Variants in RRP9 observed in about 807,000 individuals in gnomAD.
The protein encoded by RRP9 is ribosomal RNA processing 9, U3 small nucleolar RNA binding protein.
In RRP9, 35 loss-of-function variants were observed where a neutral mutation model predicts 65.5. That is an observed-to-expected ratio of 0.53 (90% CI 0.41 to 0.71). RRP9 has a LOEUF of 0.71. Among genes scored for constraint, RRP9 ranks in the 30% least tolerant of loss-of-function variants. RRP9 has a pLI of 0.00. For missense variants in RRP9, 533 were observed against 633.6 expected (o/e 0.84, Z 1.70); for synonymous variants, 254 against 245.0 (o/e 1.04, Z -0.34).
rs1699422283 is a variant in RRP9 at position 51,934,035 on chromosome 3, G to A, written c.1261-254C>T. ...AGGCAGTGTACACCCAGTATGGCCT[G>A]AGGCTGGCTCCTGGTGGTGGGGCCC... On this transcript the variant is annotated intron_variant, in intron 13 of 14. Coordinates refer to ENST00000232888, the MANE Select transcript of RRP9 (RefSeq NM_004704.5). The surrounding 1 kb of genome is among the most constrained non-coding windows in gnomAD (Gnocchi z 4.1). Among the ~76,000 whole-genome samples the A allele has an allele frequency of 6.6e-6, 1 of 152,192 alleles. No homozygotes were observed. Among genetic ancestry groups the A allele is most frequent in the Non-Finnish European group, 1.5e-5 (1 of 68,036 alleles).
In RRP9 at chr3:51,937,758, A is replaced by C; in HGVS notation, c.281-22T>G. On this transcript the variant is annotated intron_variant, in intron 3 of 14. Coordinates refer to ENST00000232888, the MANE Select transcript of RRP9 (RefSeq NM_004704.5). This position sits in a 1 kb window ranked among gnomAD's most constrained non-coding sequence, Gnocchi z 5.0. ...TCCTCTGTGCAGGACAGACCAGACC[A>C]AGTAAACTGAGGCTGAGACCCCTCT... The C allele has an allele frequency of 6.2e-7, 1 of 1,613,144 alleles. No homozygotes were observed. Among genetic ancestry groups the C allele is most frequent in the South Asian group, 1.1e-5 (1 of 91,032 alleles).
rs757566437 is a variant in RRP9, at chr3:51,934,808, G to A, written c.1035-32C>T. The A allele has an allele frequency of 2.5e-6, 4 of 1,598,754 alleles. No individual in the cohort carries two copies. The highest frequency in any genetic ancestry group is 2.6e-6 in the Non-Finnish European group (3 of 1,171,356). On this transcript the variant is annotated intron_variant, in intron 11 of 14. Coordinates refer to ENST00000232888, the MANE Select transcript of RRP9 (RefSeq NM_004704.5). The surrounding 1 kb of genome is among the most constrained non-coding windows in gnomAD (Gnocchi z 4.1). Reference sequence around the variant, plus strand: ...ACAGGGAGGGAATACAGCAGTGAGGGGGCCAGAGGCAGAAAAGGCCCCCTG... The same window carrying A: ...ACAGGGAGGGAATACAGCAGTGAGGAGGCCAGAGGCAGAAAAGGCCCCCTG...
At position 51,937,846 on chromosome 3, in the gene RRP9, G is replaced by T; in HGVS notation, c.281-110C>A. ...CTGGATAATGCAGGAAGCTCCAGCT[G>T]CCTCAGCAGAGGGGAGGGCAAGCTG... On this transcript the variant is annotated intron_variant, in intron 3 of 14. Coordinates refer to ENST00000232888, the MANE Select transcript of RRP9 (RefSeq NM_004704.5). The surrounding 1 kb of genome is among the most constrained non-coding windows in gnomAD (Gnocchi z 5.0). 2 of 1,353,898 alleles carry T rather than the reference G, an allele frequency of 1.5e-6. No homozygotes were observed. Among genetic ancestry groups the T allele is most frequent in the Non-Finnish European group, 1.0e-6 (1 of 969,450 alleles). The allele number at this position is 1,353,898 out of a possible 1,614,324, so 83.9% of individuals were successfully genotyped here.
intron 2 of RRP9, among the ~76,000 whole-genome samples, chr3:51,940,440 C>T (rs1313017097): frequency 6.6e-6 from 1 of 152,158 alleles, no homozygotes; most frequent in Admixed American, 6.5e-5. Context: ...CAAGCAACCA[C>T]ACCCATCACC....
rs1471750949 is a variant in RRP9 at position 51,938,196 on chromosome 3, G to A, written c.179C>T (p.Pro60Leu). Residue 60 changes from proline (P) to leucine (L), a missense_variant, in exon 3 of 15, where the codon CCA becomes CTA. Pro to Leu is a moderately conservative substitution (Grantham distance 98, BLOSUM62 -3). Around this residue, in one of 3 missense-constraint regions of RRP9, gnomAD observed 449 missense variants for 550.6 expected, o/e 0.82. Transcript: ENST00000232888. ...SSDSESESLAPRKPEEEEEEE... is the reference protein window; with the variant it reads ...SSDSESESLALRKPEEEEEEE... Reference sequence around the variant, plus strand: ...CTCCTCCTCCTCCTCAGGCTTCCTTGGAGCTAGGCTGTGGGCAGGAAGGGG... The same window carrying A: ...CTCCTCCTCCTCCTCAGGCTTCCTTAGAGCTAGGCTGTGGGCAGGAAGGGG... 2 of 1,562,922 alleles carry A rather than the reference G, an allele frequency of 1.3e-6. No homozygotes were observed. The highest frequency in any genetic ancestry group is 2.3e-5 in the South Asian group (2 of 86,322).
At position 51,935,711 on chromosome 3, in the gene RRP9, A is replaced by C. The variant is rs1699450462; in HGVS notation, c.736-19T>G. 8 of 1,595,032 alleles carry C rather than the reference A, an allele frequency of 5.0e-6. No individual in the cohort carries two copies. Among genetic ancestry groups the C allele is most frequent in the Non-Finnish European group, 6.9e-6 (8 of 1,162,728 alleles). On this transcript the variant is annotated intron_variant, in intron 8 of 14. Transcript: ENST00000232888. ...CCAGACCCTAAGGGTGCATGGGGAG[A>C]GGGCAAAGGGGACCTGGACTACAGC...
In RRP9 at chr3:51,936,248, G is replaced by C; in HGVS notation, c.735+9C>G. 3 of 1,612,806 alleles carry C rather than the reference G, an allele frequency of 1.9e-6. No individual in the cohort carries two copies. The highest frequency in any genetic ancestry group is 2.5e-6 in the Non-Finnish European group (3 of 1,178,774). On this transcript the variant is annotated intron_variant, in intron 8 of 14. Transcript: ENST00000232888. ...CTAAAGATCCACTGACATAGACCCAGCTCCTCACCGACACTGCATCCCGGT... is the reference window on the plus strand; with the variant it reads ...CTAAAGATCCACTGACATAGACCCACCTCCTCACCGACACTGCATCCCGGT...
intron 2 of RRP9, among the ~76,000 whole-genome samples, chr3:51,939,059 A>G (rs1373998485): frequency 6.6e-6 from 1 of 152,200 alleles, no homozygotes; most frequent in African/African-American, 2.4e-5. Context: ...AGCTGGGGGT[A>G]GGTCATGGGC....
Position 51,937,580 on chromosome 3 carries a change from G to A in RRP9, c.355C>T (p.Gln119Ter). 1 of 1,614,192 alleles carries A rather than the reference G, an allele frequency of 6.2e-7. No homozygotes were observed. ...ACCAACTTCTGCAGCCTGCCCCTCT[G>A]CTCAAGCTGCATGGAGAAGAGATGG... ...AGRLKEDVLEQRGRLQKLVAK... is the reference protein window; with the variant it reads ...AGRLKEDVLE Residue 119 changes from glutamine (Q) to a stop codon, truncating the protein, a stop_gained, in exon 5 of 15, where the codon CAG (glutamine) becomes TAG (stop). Coordinates refer to ENST00000232888, the MANE Select transcript of RRP9 (RefSeq NM_004704.5). LOFTEE classifies it high-confidence loss of function. The surrounding 1 kb of genome is among the most constrained non-coding windows in gnomAD (Gnocchi z 5.0).
At chr3:51,940,205 G>A (rs1281084203) in intron 2 of RRP9, among the ~76,000 whole-genome samples, 2 of 152,070 alleles carry the variant, frequency 1.3e-5, no homozygotes, top group Non-Finnish European at 1.5e-5. Flanking sequence ...GCAGTGAGCC[G>A]AGATCGCACC....
In RRP9 at chr3:51,934,993, A is replaced by G. The variant is rs1387666409; in HGVS notation, c.1034+204T>C. On this transcript the variant is annotated intron_variant, in intron 11 of 14. Coordinates refer to ENST00000232888, the MANE Select transcript of RRP9 (RefSeq NM_004704.5). The surrounding 1 kb of genome is among the most constrained non-coding windows in gnomAD (Gnocchi z 4.1). Reference sequence around the variant, plus strand: ...ATTTTTTTTAATTCTAAAAAAAAAGAAAAAAGGCCACATGACAGGAAGGGA... The same window carrying G: ...ATTTTTTTTAATTCTAAAAAAAAAGGAAAAAGGCCACATGACAGGAAGGGA... 1.3e-5 allele frequency among the ~76,000 whole-genome samples: 2 copies of G among 152,114 alleles called. No individual in the cohort carries two copies. Among genetic ancestry groups the G allele is most frequent in the African/African-American group, 4.8e-5 (2 of 41,434 alleles).
intron 2 of RRP9, among the ~76,000 whole-genome samples, chr3:51,940,516 T>C (rs1699508922): frequency 6.6e-6 from 1 of 151,968 alleles, no homozygotes; most frequent in Non-Finnish European, 1.5e-5. Flanking sequence ...AGTCCTCCTG[T>C]TTTTGTGTGT....
At chr3:51,941,322 A>T in intron 2 of RRP9, 87 bp downstream of exon 2, 2 of 1,111,350 alleles carry the variant, frequency 1.8e-6, no homozygotes, top group Non-Finnish European at 2.8e-6. Context: ...CTTGGATTCT[A>T]GGCTCAGTTC....
intron 11 of RRP9, 103 bp downstream of exon 11, chr3:51,935,094 C>T (rs1699439325): frequency 1.6e-6 from 2 of 1,251,310 alleles, no homozygotes; most frequent in Non-Finnish European, 2.3e-6. Context: ...GAGGTTACAA[C>T]AGCTCCCCCA....
chr3:51,936,166 C>G, intron 8 of RRP9, 91 bp downstream of exon 8: 1 of 1,243,748 alleles, frequency 8.0e-7, no homozygotes, highest in South Asian at 1.2e-5. Context: ...ATGCAGGTTC[C>G]CTGAGGACAG....
rs766101303 is a variant in RRP9 at position 51,934,745 on chromosome 3, G to C, written c.1066C>G (p.Arg356Gly). 16 of 1,613,884 alleles carry C rather than the reference G, an allele frequency of 9.9e-6. No homozygotes were observed. Among genetic ancestry groups the C allele is most frequent in the Non-Finnish European group, 1.4e-5 (16 of 1,180,000 alleles). ...GCTTCACGCTGCAGGGCAAGTGGTC[G>C]CTTCTTGGAGAGACCCCACAAGGCC... ...SVALWGLSKK[R>G]PLALQREAHG... Residue 356 changes from arginine (R) to glycine (G), a missense_variant, in exon 12 of 15, where the codon CGA (arginine) becomes GGA (glycine). Physicochemically the swap from Arg to Gly is moderately radical, Grantham distance 125. Around this residue, in one of 3 missense-constraint regions of RRP9, gnomAD observed 449 missense variants for 550.6 expected, o/e 0.82. Transcript: ENST00000232888. This position sits in a 1 kb window ranked among gnomAD's most constrained non-coding sequence, Gnocchi z 4.1.
chr3:51,941,661 G>T, intron 1 of RRP9, 120 bp downstream of exon 1: 2 of 1,110,300 alleles, frequency 1.8e-6, no homozygotes, highest in South Asian at 1.3e-5. Context: ...GGACGAAGCT[G>T]ACTCCAGCAG....
Position 51,934,623 on chromosome 3 carries a change from G to A in RRP9, c.1180+8C>T, listed in dbSNP as rs1289617314. On this transcript the variant is annotated splice_region_variant and intron_variant, in intron 12 of 14. Coordinates refer to ENST00000232888, the MANE Select transcript of RRP9 (RefSeq NM_004704.5). The surrounding 1 kb of genome is among the most constrained non-coding windows in gnomAD (Gnocchi z 4.1). ...CGACCCCTCCTCCCTGCCTCTCAGGGCACCCACCTGTGGCCACAAGGTCTG... is the reference window on the plus strand; with the variant it reads ...CGACCCCTCCTCCCTGCCTCTCAGGACACCCACCTGTGGCCACAAGGTCTG... The A allele has an allele frequency of 2.5e-6, 4 of 1,614,016 alleles. No individual in the cohort carries two copies. Among genetic ancestry groups the A allele is most frequent in the Non-Finnish European group, 3.4e-6 (4 of 1,179,944 alleles).
intron 2 of RRP9, among the ~76,000 whole-genome samples, chr3:51,938,978 C>T (rs190976767): frequency 6.6e-6 from 1 of 152,128 alleles, no homozygotes. Context: ...CCCCTCCATG[C>T]CCCAGCCCCC....
Sources: allele counts gnomAD v4.1 joint callset (sites outside exome capture counted in the v4.1 genomes callset), GRCh38; gene constraint gnomAD v4.1.1; regional missense constraint gnomAD v4.1.1; non-coding constraint Gnocchi (gnomAD v3.1); transcripts MANE v1.5; gene names NCBI Gene and HGNC (gene_info 2026-07-23, HGNC 2026-07-21).